Variants in PTCH1 observed in about 807,000 individuals in gnomAD.
PTCH1 encodes the protein patched 1, also known as protein patched homolog 1.
Under a neutral mutation model 144.6 loss-of-function variants are expected in PTCH1, and 14 were observed. That is an observed-to-expected ratio of 0.10 (90% CI 0.06 to 0.15). The LOEUF (loss-of-function observed/expected upper bound fraction) is 0.15, where lower values mean the gene tolerates loss of function less well. PTCH1 is among the 10% of genes least tolerant of loss of function. The pLI is 1.00. For missense variants in PTCH1, 1,623 were observed against 1,948.3 expected (o/e 0.83, Z 3.14); for synonymous variants, 833 against 793.6 (o/e 1.05, Z -0.83).
chr9:95,451,889 T>C (rs991675775), intron 20 of PTCH1: 10 of 152,226 alleles, frequency 6.6e-5, no homozygotes, highest in African/African-American at 9.6e-5. Flanking sequence ...TTTAACTCAG[T>C]TGGGCAACTC....
chr9:95,509,182 C>T lies in PTCH1; in HGVS notation c.-821G>A, dbSNP rs1395512053. ...CAGCGGGCAGCGGCCGCAGCAGCTC[C>T]TTGATTCAATAGATGAGATGGAAGA... On this transcript the variant is annotated 5_prime_UTR_variant, in exon 1 of 24. Coordinates refer to ENST00000331920, the MANE Select transcript of PTCH1 (RefSeq NM_000264.5). Among the ~76,000 whole-genome samples the T allele has an allele frequency of 6.9e-6, 1 of 144,818 alleles. No homozygotes were observed. The highest frequency in any genetic ancestry group is 2.5e-5 in the African/African-American group (1 of 39,410).
intron 18 of PTCH1, 93 bp downstream of exon 18, chr9:95,457,920 C>A: frequency 6.6e-7 from 1 of 1,520,864 alleles, no homozygotes; most frequent in Non-Finnish European, 9.1e-7. Flanking sequence ...TACCCTCCTC[C>A]AGAGGCCCAG....
chr9:95,470,033 T>C (rs1840423810), intron 12 of PTCH1, 102 bp from the exon 13 acceptor site: 2 of 913,716 alleles, frequency 2.2e-6, no homozygotes, highest in African/African-American at 1.6e-5. Flanking sequence ...TTTCTTTCCC[T>C]TTCCTCTTGA....
chr9:95,488,865 G>C (rs1266189923), intron 2 of PTCH1, among the ~76,000 whole-genome samples: 1 of 152,232 alleles, frequency 6.6e-6, no homozygotes, highest in Non-Finnish European at 1.5e-5. Context: ...ACATTTAGGT[G>C]ACTTTGAAGA....
At position 95,449,290 on chromosome 9, in the gene PTCH1, T is replaced by A. The variant is rs2236405; in HGVS notation, c.3583A>T (p.Thr1195Ser). ...CTGGGGGGTGGCTCAGGGGAGGGTGTGGGCAGGCGGTTCAAGCCGTTGGCT... is the reference window on the plus strand; with the variant it reads ...CTGGGGGGTGGCTCAGGGGAGGGTGAGGGCAGGCGGTTCAAGCCGTTGGCT... The part of the protein sequence containing the change: ...SPANGLNRLP[T>S]PSPEPPPSVV... Residue 1195 changes from threonine to serine, a missense_variant, in exon 22 of 24, where the codon ACA becomes TCA. Thr to Ser is a moderately conservative substitution (Grantham distance 58). This residue lies in a region of PTCH1 where 504 missense variants were observed against 679.3 expected (regional missense o/e 0.74). Coordinates refer to ENST00000331920, the MANE Select transcript of PTCH1 (RefSeq NM_000264.5). This position sits in a 1 kb window ranked among gnomAD's most constrained non-coding sequence, Gnocchi z 5.3. The A allele has an allele frequency of 0.022, 34,780 of 1,557,458 alleles. 1,174 individuals are homozygous for A. The highest frequency in any genetic ancestry group is 0.13 in the East Asian group (5,338 of 41,832).
At chr9:95,456,130 G>A (rs1838899166) in intron 19 of PTCH1, 146 bp downstream of exon 19, 3 of 1,165,290 alleles carry the variant, frequency 2.6e-6, no homozygotes, top group Non-Finnish European at 1.2e-6. Context: ...CAGAAATCTT[G>A]CAGGCTCTCC....
At chr9:95,448,120 T>G (rs1480048456) in intron 22 of PTCH1, among the ~76,000 whole-genome samples, 1 of 152,162 alleles carries the variant, frequency 6.6e-6, no homozygotes, top group Non-Finnish European at 1.5e-5. Context: ...AGCAACACAG[T>G]GGCCACATCA....
At position 95,476,336 on chromosome 9, in the gene PTCH1, T is replaced by A. The variant is rs1392355414; in HGVS notation, c.1603-177A>T. Among the ~76,000 whole-genome samples, 2 of 152,162 alleles carry A rather than the reference T, an allele frequency of 1.3e-5. No homozygotes were observed. The highest frequency in any genetic ancestry group is 2.9e-5 in the Non-Finnish European group (2 of 68,034). ...CTAACACCAGCATTATTCAGTACCA[T>A]CTACAGAGTCATCAATTCTTCATGG... On this transcript the variant is annotated intron_variant, in intron 11 of 23. Transcript: ENST00000331920. This position sits in a 1 kb window ranked among gnomAD's most constrained non-coding sequence, Gnocchi z 4.6.
At chr9:95,495,375 A>G (rs1464933109) in intron 2 of PTCH1, 2 of 152,120 alleles carry the variant, frequency 1.3e-5, no homozygotes, top group East Asian at 3.8e-4. Flanking sequence ...ATGCATTTCA[A>G]AGTATGTGAG....
chr9:95,468,267 GGC>G (rs1840211357), intron 14 of PTCH1, among the ~76,000 whole-genome samples: 6 of 152,080 alleles, frequency 3.9e-5, no homozygotes, highest in Admixed American at 3.9e-4. Context: ...ATGTTGCCTG[GGC>G]TGTTCTCGAA....
At chr9:95,492,359 A>C (rs1310680823) in intron 2 of PTCH1, among the ~76,000 whole-genome samples, 1 of 152,184 alleles carries the variant, frequency 6.6e-6, no homozygotes, top group African/African-American at 2.4e-5. Flanking sequence ...AGTTTAAGAA[A>C]ATGATTGCTT....
chr9:95,489,811 T>A (rs1842241613), intron 2 of PTCH1, among the ~76,000 whole-genome samples: 1 of 151,312 alleles, frequency 6.6e-6, no homozygotes, highest in Non-Finnish European at 1.5e-5. Flanking sequence ...AATTTTTTTT[T>A]TTTTTTTGTG....
In PTCH1 at chr9:95,458,180, A is replaced by G; in HGVS notation, c.3001T>C (p.Tyr1001His). 3 of 1,614,176 alleles carry G rather than the reference A, an allele frequency of 1.9e-6. No individual in the cohort carries two copies. Among genetic ancestry groups the G allele is most frequent in the Non-Finnish European group, 2.5e-6 (3 of 1,180,044 alleles). ...TAACTGGACAGCCCCAGGCTCGTAT[A>G]GTTGCTGCAGATGGTCCTTACTTTT... Reference protein sequence around the residue: ...IEKVRTICSNYTSLGLSSYPN... With the variant: ...IEKVRTICSNHTSLGLSSYPN... The change falls in exon 18 of 24, where the codon TAT becomes CAT. Residue 1001 changes from tyrosine to histidine, a missense_variant. Coordinates refer to ENST00000331920, the MANE Select transcript of PTCH1 (RefSeq NM_000264.5). The surrounding 1 kb of genome is among the most constrained non-coding windows in gnomAD (Gnocchi z 4.7).
At chr9:95,506,668 G>GCGCACCCGCCCGCTTGCC in intron 1 of PTCH1, 69 bp from the exon 2 acceptor site, 1 of 1,425,966 alleles carries the variant, frequency 7.0e-7, no homozygotes, top group African/African-American at 1.5e-5. Flanking sequence ...GCCCGCTTGC[G>GCGCACCCGCCCGCTTGCC]CGCACCCGCC....
rs199476091 is a variant in PTCH1, at chr9:95,479,038, C to T, written c.1177G>A (p.Ala393Thr). 2.1e-4 allele frequency: 340 copies of T among 1,614,224 alleles called. 2 individuals carry two copies. The South Asian group carries it at 3.5e-3, about 16-fold the overall frequency. Reference sequence around the variant, plus strand: ...CTCTGCCAGGCCTCCAGGATGGCTGCCGCTTTGTCCTCGTTCCAGTTGATG... The same window carrying T: ...CTCTGCCAGGCCTCCAGGATGGCTGTCGCTTTGTCCTCGTTCCAGTTGATG... ...SHINWNEDKA[A>T]AILEAWQRTY... The change falls in exon 8 of 24, where the codon GCA becomes ACA. Residue 393 changes from alanine to threonine, a missense_variant. By Grantham distance (58) the Ala-to-Thr change is moderately conservative. This residue lies in a region of PTCH1 where 230 missense variants were observed against 271.0 expected (regional missense o/e 0.85). Transcript: ENST00000331920.
intron 2 of PTCH1, among the ~76,000 whole-genome samples, chr9:95,498,239 T>C (rs1842917967): frequency 6.6e-6 from 1 of 152,204 alleles, no homozygotes; most frequent in Non-Finnish European, 1.5e-5. Flanking sequence ...TGCGCTGTGG[T>C]ATGGGGACTT....
chr9:95,503,217 C>T (rs1369099208), intron 2 of PTCH1: 2 of 152,204 alleles, frequency 1.3e-5, no homozygotes, highest in African/African-American at 2.4e-5. Flanking sequence ...CAGCATCTAA[C>T]AGATTTCTTT....
intron 1 of PTCH1, among the ~76,000 whole-genome samples, chr9:95,514,923 T>C (rs1030247472): frequency 6.6e-6 from 1 of 152,210 alleles, no homozygotes; most frequent in Non-Finnish European, 1.5e-5. Context: ...GATGTCTACC[T>C]TGATTCAACA....
At chr9:95,493,783 T>C (rs895686529) in intron 2 of PTCH1, among the ~76,000 whole-genome samples, 2 of 151,542 alleles carry the variant, frequency 1.3e-5, no homozygotes, top group African/African-American at 2.4e-5. Flanking sequence ...GCACTGCCTC[T>C]TTTTTATAAT....
Sources: gnomAD v4.1 joint callset for allele counts (sites outside exome capture counted in the v4.1 genomes callset) on GRCh38, gnomAD v4.1.1 for gene constraint, gnomAD v4.1.1 regional missense constraint, Gnocchi (gnomAD v3.1) non-coding constraint, MANE v1.5 for transcripts, NCBI Gene and HGNC (gene_info 2026-07-23, HGNC 2026-07-21) for gene names.